FKBP14: variants seen among roughly 807,000 people sequenced by gnomAD.
The protein encoded by FKBP14 is FKBP prolyl isomerase 14.
FKBP14 carries 20 observed loss-of-function variants against 21.6 expected under a neutral mutation model. The ratio of observed to expected loss-of-function variants is 0.92; its 90% CI spans 0.65 to 1.34. FKBP14 has a LOEUF of 1.34. FKBP14 is among the 40% of genes most tolerant of loss of function. The pLI is 0.00. For synonymous variants in FKBP14, 79 were observed against 86.7 expected, an observed-to-expected ratio of 0.91 and a Z score of 0.49; for missense variants, 253 against 249.0, an observed-to-expected ratio of 1.02 and a Z score of -0.11.
downstream of FKBP14, among the ~76,000 whole-genome samples, chr7:30,009,655 A>G (rs989042967): frequency 1.3e-5 from 2 of 152,066 alleles, no homozygotes; most frequent in African/African-American, 4.8e-5. Context: ...ACACAGTTCA[A>G]TGGGGAGAGA....
At chr7:30,017,500 CAG>C (rs1401715676) in intron 3 of FKBP14, among the ~76,000 whole-genome samples, 1 of 151,640 alleles carries the variant, frequency 6.6e-6, no homozygotes, top group Non-Finnish European at 1.5e-5. Flanking sequence ...ACCCGGGACA[CAG>C]AGGCTGCAGT....
chr7:30,026,515 G>GAAGCAAGGAAAGAAGTCCCTACAA lies in FKBP14; in HGVS notation c.-31_-8dup, dbSNP rs1562840974. 6.2e-7 allele frequency: 1 copy of GAAGCAAGGAAAGAAGTCCCTACAA among 1,602,518 alleles called. No individual in the cohort carries two copies. ...TCCACAAGAAAAGCCTCATGTTGCT[G>GAAGCAAGGAAAGAAGTCCCTACAA]AAGCAAGGAAAGAAGTCCCTACAAA... On this transcript the variant is annotated 5_prime_UTR_variant, in exon 1 of 4. Transcript: ENST00000222803.
downstream of FKBP14, among the ~76,000 whole-genome samples, chr7:30,007,273 G>A (rs1341058047): frequency 2.7e-5 from 4 of 147,862 alleles, no homozygotes; most frequent in African/African-American, 5.0e-5. Context: ...GCAGTGGTGC[G>A]ATCTCGGCTC....
At chr7:30,022,852 T>G (rs931563915) in intron 1 of FKBP14, 36 bp from the exon 2 acceptor site, 35 of 1,576,276 alleles carry the variant, frequency 2.2e-5, no homozygotes, top group Non-Finnish European at 3.0e-5. Flanking sequence ...AACTCCTTAT[T>G]AACTCTAAAA....
downstream of FKBP14, among the ~76,000 whole-genome samples, chr7:30,009,664 G>A (rs1789677807): frequency 6.6e-6 from 1 of 152,062 alleles, no homozygotes; most frequent in Admixed American, 6.6e-5. Flanking sequence ...AATGGGGAGA[G>A]ATAGCATGCT....
At chr7:30,024,612 G>C (rs1658303294) in intron 1 of FKBP14, among the ~76,000 whole-genome samples, 1 of 152,120 alleles carries the variant, frequency 6.6e-6, no homozygotes, top group Non-Finnish European at 1.5e-5. Flanking sequence ...TGGCCAGGAT[G>C]GTCTCAAACT....
chr7:30,012,110 C>G lies in FKBP14; in HGVS notation c.*2625G>C, dbSNP rs1270250262. The G allele has an allele frequency of 2.0e-5, 3 of 152,202 alleles. No homozygotes were observed. The highest frequency in any genetic ancestry group is 4.4e-5 in the Non-Finnish European group (3 of 68,052). The allele number at this position is 152,202 out of a possible 1,614,324, so 9.4% of individuals were successfully genotyped here. A position where few individuals can be genotyped will look rare whatever the true frequency, so the allele number is the denominator to read the frequency against. The stretch of plus-strand genomic sequence containing the variant: ...GATGAAATAACCTAATTAGACATTT[C>G]TCAGAGTGCATCTCCATCATTAAGT... On this transcript the variant is annotated 3_prime_UTR_variant, in exon 4 of 4. Transcript: ENST00000222803.
intron 2 of FKBP14, among the ~76,000 whole-genome samples, chr7:30,021,538 G>A (rs930157720): frequency 6.6e-6 from 1 of 151,536 alleles, no homozygotes; most frequent in Non-Finnish European, 1.5e-5. Context: ...TAGAATAAAT[G>A]CATATAGACA....
Position 30,010,974 on chromosome 7 carries a change from TAA to T in FKBP14, c.*3759_*3760del, listed in dbSNP as rs1789707376. On this transcript the variant is annotated 3_prime_UTR_variant, in exon 4 of 4. Coordinates refer to ENST00000222803, the MANE Select transcript of FKBP14 (RefSeq NM_017946.4). ...GAAGAGTCCAAAAATTGTTTTTAAA[TAA>T]GTTTCTAAACTAGAAAATTTACAGT... The T allele has an allele frequency of 1.3e-5, 2 of 152,186 alleles. No homozygotes were observed. Among genetic ancestry groups the T allele is most frequent in the South Asian group, 2.1e-4 (1 of 4,830 alleles). 9.4% of individuals were successfully genotyped at this position (152,186 alleles called of 1,614,324 possible). A position where few individuals can be genotyped will look rare whatever the true frequency, so the allele number is the denominator to read the frequency against.
In FKBP14 at chr7:30,026,365, C is replaced by T. The variant is rs141850025; in HGVS notation, c.144G>A (p.Met48Ile). Reference protein sequence around the residue: ...CHRKTKGGDLMLVHYEGYLEK... With the variant: ...CHRKTKGGDLILVHYEGYLEK... ...CTAAGTAGCCTTCATAGTGGACCAA[C>T]ATCAAATCCCCTCCTTTGGTCTTGC... Residue 48 changes from methionine to isoleucine, a missense_variant, in exon 1 of 4, where the codon ATG becomes ATA. By Grantham distance (10) the Met-to-Ile change is conservative. Coordinates refer to ENST00000222803, the MANE Select transcript of FKBP14 (RefSeq NM_017946.4). 37 of 1,614,014 alleles carry T rather than the reference C, an allele frequency of 2.3e-5. No individual in the cohort carries two copies. The African/African-American group carries it at 3.3e-4, about 15-fold the overall frequency.
downstream of FKBP14, among the ~76,000 whole-genome samples, chr7:30,008,957 A>G (rs1789665367): frequency 6.6e-6 from 1 of 152,136 alleles, no homozygotes; most frequent in Non-Finnish European, 1.5e-5. Context: ...CAAAAAAAAA[A>G]AAAGAATGCT....
At chr7:30,025,876 T>C (rs1274890494) in intron 1 of FKBP14, among the ~76,000 whole-genome samples, 1 of 152,200 alleles carries the variant, frequency 6.6e-6, no homozygotes, top group East Asian at 1.9e-4. Flanking sequence ...AAATAAGTGA[T>C]AGTGTAGTTT....
At chr7:30,024,858 G>C (rs999172151) in intron 1 of FKBP14, among the ~76,000 whole-genome samples, 4 of 152,240 alleles carry the variant, frequency 2.6e-5, no homozygotes, top group Non-Finnish European at 5.9e-5. Flanking sequence ...TTTTGGTTCA[G>C]AAATCTGAAA....
At chr7:30,021,418 C>T (rs1178380098) in intron 2 of FKBP14, among the ~76,000 whole-genome samples, 1 of 152,104 alleles carries the variant, frequency 6.6e-6, no homozygotes, top group African/African-American at 2.4e-5. Flanking sequence ...TACCAGTATA[C>T]CACTTACGAC....
Position 30,013,246 on chromosome 7 carries a change from G to A in FKBP14, c.*1489C>T, listed in dbSNP as rs1250225014. ...ATTTATTCAATAGTAGCTGCTGTAG[G>A]TCTGCTTCTTTTTTTTTTTTTGAGA... On this transcript the variant is annotated 3_prime_UTR_variant, in exon 4 of 4. Coordinates refer to ENST00000222803, the MANE Select transcript of FKBP14 (RefSeq NM_017946.4). The A allele has an allele frequency of 1.3e-5, 2 of 151,220 alleles. No individual in the cohort carries two copies. Among genetic ancestry groups the A allele is most frequent in the Admixed American group, 1.3e-4 (2 of 15,154 alleles). The allele number at this position is 151,220 out of a possible 1,614,324, so 9.4% of individuals were successfully genotyped here.
In FKBP14 at chr7:30,011,289, C is replaced by T. The variant is rs1359820038; in HGVS notation, c.*3446G>A. On this transcript the variant is annotated 3_prime_UTR_variant, in exon 4 of 4. Transcript: ENST00000222803. ...CTCATGACCTCGAGTGATCCACCCA[C>T]CTTGGCCTCCCATAATGCTGGGATT... 1.3e-5 allele frequency: 2 copies of T among 151,820 alleles called. No individual in the cohort carries two copies. Among genetic ancestry groups the T allele is most frequent in the Non-Finnish European group, 2.9e-5 (2 of 67,986 alleles). The allele number at this position is 151,820 out of a possible 1,614,324, so 9.4% of individuals were successfully genotyped here.
chr7:30,026,284 A>G (rs200537344), intron 1 of FKBP14, 28 bp downstream of exon 1: 17 of 1,577,176 alleles, frequency 1.1e-5, no homozygotes, highest in Admixed American at 1.1e-4. Context: ...CTTAATTACT[A>G]TTTTACCTGC....
chr7:30,020,214 A>G lies in FKBP14; in HGVS notation c.350-1091T>C. ...CTTATAAAGTGTGCTGAAGCTTACC[A>G]TTTCAGATCTAGACAGAGATGTGAC... On this transcript the variant is annotated intron_variant, in intron 2 of 3. Coordinates refer to ENST00000222803, the MANE Select transcript of FKBP14 (RefSeq NM_017946.4). 3 of 1,215,630 alleles carry G rather than the reference A, an allele frequency of 2.5e-6. No homozygotes were observed. The South Asian group carries it at 4.5e-5, about 18-fold the overall frequency. 75.3% of individuals were successfully genotyped at this position (1,215,630 alleles called of 1,614,324 possible).
At chr7:30,022,920 T>C (rs1049100139) in intron 1 of FKBP14, 104 bp from the exon 2 acceptor site, 1 of 1,033,930 alleles carries the variant, frequency 9.7e-7, no homozygotes, top group African/African-American at 1.6e-5. Flanking sequence ...GTTTAAAAAT[T>C]TATAAATACA....
Sources: allele counts gnomAD v4.1 joint callset (sites outside exome capture counted in the v4.1 genomes callset), GRCh38; gene constraint gnomAD v4.1.1; transcripts MANE v1.5; gene names NCBI Gene and HGNC (gene_info 2026-07-23, HGNC 2026-07-21).